The following CPNE9 variants were observed in gnomAD, a reference collection of about 807,000 sequenced individuals.
The protein encoded by CPNE9 is copine-9.
A neutral mutation model predicts 83.0 loss-of-function variants in CPNE9; 59 were observed. That is an observed-to-expected ratio of 0.71 (90% CI 0.58 to 0.88). CPNE9 has a LOEUF of 0.88. CPNE9 is among the 40% of genes least tolerant of loss of function. The probability of loss-of-function intolerance (pLI) is 0.00; values close to 1 mark genes in which losing one functional copy is unlikely to be tolerated. For synonymous variants in CPNE9, 256 were observed against 273.4 expected (o/e 0.94, Z 0.63); for missense variants, 619 against 720.8 (o/e 0.86, Z 1.62).
intron 15 of CPNE9, 33 bp from the exon 16 acceptor site, chr3:9,717,996 G>A (rs2125470553): frequency 6.4e-7 from 1 of 1,565,342 alleles, no homozygotes; most frequent in Non-Finnish European, 8.7e-7. Context: ...TGATCCAGAT[G>A]ATCATGAGGC....
intron 18 of CPNE9, 57 bp downstream of exon 18, chr3:9,726,108 C>A: frequency 9.0e-7 from 1 of 1,111,676 alleles, no homozygotes; most frequent in Non-Finnish European, 1.3e-6. Context: ...TGTGAAGGGG[C>A]TGAGATTTTA....
At position 9,704,470 on chromosome 3, in the gene CPNE9, TGGGGG is replaced by T; in HGVS notation, c.69-116_69-112del. On this transcript the variant is annotated intron_variant, in intron 1 of 20. Transcript: ENST00000383832. The surrounding 1 kb of genome is among the most constrained non-coding windows in gnomAD (Gnocchi z 7.1). ...AGCGGACCCCGGCTGGGGGTAGCCA[TGGGGG>T]ACAGAGGTTCGATGCGGGCCCCATG... 1 of 884,770 alleles carries T rather than the reference TGGGGG, an allele frequency of 1.1e-6. No individual in the cohort carries two copies. Among genetic ancestry groups the T allele is most frequent in the Non-Finnish European group, 1.9e-6 (1 of 516,724 alleles). The allele number at this position is 884,770 out of a possible 1,614,324, so 54.8% of individuals were successfully genotyped here.
chr3:9,725,197 C>T (rs1001917173), intron 17 of CPNE9, among the ~76,000 whole-genome samples: 1 of 152,096 alleles, frequency 6.6e-6, no homozygotes, highest in Non-Finnish European at 1.5e-5. Context: ...ATTTTTTCTC[C>T]TCATGTATCT....
chr3:9,709,965 G>A (rs1207186865), intron 7 of CPNE9, among the ~76,000 whole-genome samples: 1 of 149,862 alleles, frequency 6.7e-6, no homozygotes, highest in Non-Finnish European at 1.5e-5. Flanking sequence ...ACTCCAGCCT[G>A]GGCGACAAAG....
rs760312542 is a variant in CPNE9, at chr3:9,717,103, T to C, written c.930T>C (p.Asn310=). 9.9e-6 allele frequency: 16 copies of C among 1,614,064 alleles called. No individual in the cohort carries two copies. The highest frequency in any genetic ancestry group is 1.3e-5 in the Non-Finnish European group (15 of 1,180,032). The part of the protein sequence containing the change: ...FTVAIDFTAS[N]GNPLQPTSLH... ...TAGCCATTGACTTCACGGCTTCCAA[T>C]GGTGAGACACGGATGAGTGAAAAAG... The change falls in exon 15 of 21, where the codon AAT becomes AAC. Residue 310 remains asparagine, a splice_region_variant and synonymous_variant. Coordinates refer to ENST00000383832, the MANE Select transcript of CPNE9 (RefSeq NM_153635.3).
chr3:9,709,748 T>C (rs1055894640), intron 7 of CPNE9, among the ~76,000 whole-genome samples: 1 of 151,562 alleles, frequency 6.6e-6, no homozygotes, highest in African/African-American at 2.4e-5. Context: ...CGAGGCCTCC[T>C]AAAGGTGGAG....
At chr3:9,718,245 T>C in intron 16 of CPNE9, 35 bp downstream of exon 16, 1 of 1,561,102 alleles carries the variant, frequency 6.4e-7, no homozygotes. Context: ...CTCCGTGCCC[T>C]GGCATCTGGT....
rs372048564 is a variant in CPNE9, at chr3:9,704,984, C to T, written c.250C>T (p.Arg84Cys). The T allele has an allele frequency of 1.9e-6, 3 of 1,609,822 alleles. No homozygotes were observed. The highest frequency in any genetic ancestry group is 1.1e-5 in the South Asian group (1 of 90,442). Reference sequence around the variant, plus strand: ...TTTCTTTGAGGAAAAGCAAAATCTGCGCTTCGATGTGTGAGGCCCCGCCTG... The same window carrying T: ...TTTCTTTGAGGAAAAGCAAAATCTGTGCTTCGATGTGTGAGGCCCCGCCTG... Reference protein sequence around the residue: ...DYFFEEKQNLRFDVYNVDSKT... With the variant: ...DYFFEEKQNLCFDVYNVDSKT... Residue 84 changes from arginine (R) to cysteine (C), a missense_variant, in exon 4 of 21, where the codon CGC becomes TGC. By Grantham distance (180) the Arg-to-Cys change is radical. This residue lies in a region of CPNE9 where 130 missense variants were observed against 117.5 expected (regional missense o/e 1.11). Coordinates refer to ENST00000383832, the MANE Select transcript of CPNE9 (RefSeq NM_153635.3). This position sits in a 1 kb window ranked among gnomAD's most constrained non-coding sequence, Gnocchi z 7.1.
rs1410083524 is a variant in CPNE9, at chr3:9,729,487, C to T, written c.1477-20C>T. The T allele has an allele frequency of 6.2e-7, 1 of 1,600,300 alleles. No individual in the cohort carries two copies. The highest frequency in any genetic ancestry group is 8.5e-7 in the Non-Finnish European group (1 of 1,169,772). On this transcript the variant is annotated intron_variant, in intron 20 of 20. Coordinates refer to ENST00000383832, the MANE Select transcript of CPNE9 (RefSeq NM_153635.3). ...CTCTCCTGGTCATGGCTTATCTCTT[C>T]TTGTCTGTGCCTGACCCAGTTCGTC...
rs2076702681 is a variant in CPNE9, at chr3:9,718,213, A to G, written c.1113+3A>G. ...GGATCTCCCACCAGTTCCCCCTGGT[A>G]TGGTATTGGCCAGAGCTTACCCTCC... On this transcript the variant is annotated splice_donor_region_variant and intron_variant, in intron 16 of 20. Transcript: ENST00000383832. 1.2e-6 allele frequency: 2 copies of G among 1,608,644 alleles called. No individual in the cohort carries two copies. The highest frequency in any genetic ancestry group is 1.7e-5 in the Admixed American group (1 of 59,596).
chr3:9,720,683 AT>A (rs760962505), intron 17 of CPNE9, among the ~76,000 whole-genome samples: 7 of 151,372 alleles, frequency 4.6e-5, no homozygotes, highest in African/African-American at 1.5e-4. Context: ...TTCACTACTG[AT>A]TTTTTTTTCA....
intron 17 of CPNE9, among the ~76,000 whole-genome samples, chr3:9,721,288 C>T (rs2076731687): frequency 6.6e-6 from 1 of 152,222 alleles, no homozygotes; most frequent in African/African-American, 2.4e-5. Flanking sequence ...CAGCGTCCCT[C>T]TGGGGGAATC....
rs201553272 is a variant in CPNE9 at position 9,704,713 on chromosome 3, G to T, written c.110-36G>T. The T allele has an allele frequency of 1.2e-6, 2 of 1,611,552 alleles. No individual in the cohort carries two copies. Among genetic ancestry groups the T allele is most frequent in the African/African-American group, 2.7e-5 (2 of 74,888 alleles). ...GGAGTCGGGGCCAGGGGTGGGAGCC[G>T]ACCTGACGTCCTTCCCTCCCCGCCC... On this transcript the variant is annotated intron_variant, in intron 2 of 20. Transcript: ENST00000383832. This position sits in a 1 kb window ranked among gnomAD's most constrained non-coding sequence, Gnocchi z 7.1.
Position 9,715,484 on chromosome 3 carries a change from T to G in CPNE9, c.780T>G (p.Pro260=). ...NQFTVYEVLN[P]RKKCKKKKYV... ...CCTCCTCCCCTTAGGTTCTTAACCC[T>G]CGGAAGAAATGTAAGAAGAAGAAAT... Residue 260 remains proline (P), a synonymous_variant, in exon 13 of 21, where the codon CCT becomes CCG. Transcript: ENST00000383832. The G allele has an allele frequency of 6.2e-7, 1 of 1,614,016 alleles. No individual in the cohort carries two copies. Among genetic ancestry groups the G allele is most frequent in the Non-Finnish European group, 8.5e-7 (1 of 1,179,898 alleles).
At chr3:9,712,468 A>C in intron 7 of CPNE9, 73 bp from the exon 8 acceptor site, 2 of 1,235,868 alleles carry the variant, frequency 1.6e-6, no homozygotes, top group Non-Finnish European at 2.4e-6. Flanking sequence ...TGGCCCACCT[A>C]ACCCCAGACT....
At chr3:9,725,106 C>T (rs1178614230) in intron 17 of CPNE9, among the ~76,000 whole-genome samples, 2 of 152,174 alleles carry the variant, frequency 1.3e-5, no homozygotes, top group African/African-American at 4.8e-5. Context: ...TCACAGCACT[C>T]ATCACAGTGG....
rs1345724657 is a variant in CPNE9 at position 9,704,907 on chromosome 3, T to A, written c.173T>A (p.Val58Glu). The A allele has an allele frequency of 6.2e-7, 1 of 1,612,352 alleles. No homozygotes were observed. Among genetic ancestry groups the A allele is most frequent in the Non-Finnish European group, 8.5e-7 (1 of 1,179,628 alleles). The part of the protein sequence containing the change: ...QEWREFGRTE[V>E]IDNTLNPDFV... ...CCTACCCAGTTCGGACGGACCGAGG[T>A]GATTGATAACACGCTGAACCCAGAC... Residue 58 changes from valine to glutamate, a missense_variant, in exon 4 of 21, where the codon GTG becomes GAG. Around this residue, in one of 3 missense-constraint regions of CPNE9, gnomAD observed 130 missense variants for 117.5 expected, o/e 1.11. Coordinates refer to ENST00000383832, the MANE Select transcript of CPNE9 (RefSeq NM_153635.3). This position sits in a 1 kb window ranked among gnomAD's most constrained non-coding sequence, Gnocchi z 7.1.
At chr3:9,724,503 G>C (rs1042490731) in intron 17 of CPNE9, among the ~76,000 whole-genome samples, 1 of 152,100 alleles carries the variant, frequency 6.6e-6, no homozygotes, top group African/African-American at 2.4e-5. Context: ...ATCCCTGAGC[G>C]GTCTAAGCTC....
At position 9,704,944 on chromosome 3, in the gene CPNE9, A is replaced by AT; in HGVS notation, c.212dup (p.Val72ArgfsTer7). 6.2e-7 allele frequency: 1 copy of AT among 1,613,418 alleles called. No homozygotes were observed. The highest frequency in any genetic ancestry group is 1.3e-5 in the African/African-American group (1 of 74,982). On this transcript the variant is annotated frameshift_variant, in exon 4 of 21. Coordinates refer to ENST00000383832, the MANE Select transcript of CPNE9 (RefSeq NM_153635.3). LOFTEE classifies it high-confidence loss of function. The surrounding 1 kb of genome is among the most constrained non-coding windows in gnomAD (Gnocchi z 7.1). ...CGCTGAACCCAGACTTCGTGCGCAA[A>AT]TTCGTCCTCGACTATTTCTTTGAGG...
Sources: gnomAD v4.1 joint callset for allele counts (sites outside exome capture counted in the v4.1 genomes callset) on GRCh38, gnomAD v4.1.1 for gene constraint, gnomAD v4.1.1 regional missense constraint, Gnocchi (gnomAD v3.1) non-coding constraint, MANE v1.5 for transcripts, NCBI Gene and HGNC (gene_info 2026-07-23, HGNC 2026-07-21) for gene names.